Variants in ITGA1 observed in about 807,000 individuals in gnomAD.
ITGA1 encodes integrin alpha-1.
In ITGA1, 85 loss-of-function variants were observed where a neutral mutation model predicts 145.9. The ratio of observed to expected loss-of-function variants is 0.58; its 90% CI spans 0.49 to 0.70. The LOEUF is 0.70. ITGA1 is among the 30% of genes least tolerant of loss of function. The probability of loss-of-function intolerance (pLI) is 0.00; values close to 1 mark genes in which losing one functional copy is unlikely to be tolerated. For synonymous variants in ITGA1, 520 were observed against 495.3 expected (o/e 1.05, Z -0.66); for missense variants, 1,351 against 1,418.7 (o/e 0.95, Z 0.77).
At chr5:52,934,662 A>G (rs1312081961) in intron 23 of ITGA1, among the ~76,000 whole-genome samples, 2 of 151,946 alleles carry the variant, frequency 1.3e-5, no homozygotes, top group Non-Finnish European at 2.9e-5. Flanking sequence ...TTACTGACAC[A>G]GACTCAAGTT....
In ITGA1 at chr5:52,910,292, C is replaced by T. The variant is rs1230808119; in HGVS notation, c.1730C>T (p.Ala577Val). ...CGARFGTAIA[A>V]VKDLNLDGFN... ...GCTCGTTTTGGAACTGCAATTGCTG[C>T]TGTAAAAGACCTCAATCTTGATGGA... The change falls in exon 14 of 29, where the codon GCT becomes GTT. Residue 577 changes from alanine to valine, a missense_variant. Transcript: ENST00000282588. 6.2e-7 allele frequency: 1 copy of T among 1,613,856 alleles called. No individual in the cohort carries two copies. Among genetic ancestry groups the T allele is most frequent in the East Asian group, 2.2e-5 (1 of 44,886 alleles).
chr5:52,887,965 TGTAA>T lies in ITGA1; in HGVS notation c.924+3_924+6del. 6.2e-7 allele frequency: 1 copy of T among 1,611,516 alleles called. No homozygotes were observed. The highest frequency in any genetic ancestry group is 8.5e-7 in the Non-Finnish European group (1 of 1,178,104). ...AAAACATTCAACGGTTTTCCATAGC[TGTAA>T]GTGTGTTGCCGGAGATATTTTCAAA... On this transcript the variant is annotated splice_donor_variant and splice_donor_region_variant and intron_variant, in intron 8 of 28. Coordinates refer to ENST00000282588, the MANE Select transcript of ITGA1 (RefSeq NM_181501.2). LOFTEE classifies it high-confidence loss of function.
chr5:52,872,107 G>A (rs1440905326), intron 6 of ITGA1, among the ~76,000 whole-genome samples: 1 of 152,170 alleles, frequency 6.6e-6, no homozygotes, highest in African/African-American at 2.4e-5. Flanking sequence ...CATCAAAAGT[G>A]TAGCATAGCA....
chr5:52,916,465 A>G (rs988048364), intron 15 of ITGA1, among the ~76,000 whole-genome samples: 5 of 152,172 alleles, frequency 3.3e-5, no homozygotes, highest in Non-Finnish European at 1.5e-5. Flanking sequence ...AAATCTACCT[A>G]GAAGAGTAAT....
chr5:52,923,769 A>G (rs1378643671), intron 18 of ITGA1, among the ~76,000 whole-genome samples: 1 of 152,218 alleles, frequency 6.6e-6, no homozygotes, highest in East Asian at 1.9e-4. Flanking sequence ...TTATTCTAAT[A>G]AGCACTGGAT....
In ITGA1 at chr5:52,865,722, C is replaced by T; in HGVS notation, c.529C>T (p.Leu177=). The change falls in exon 6 of 29, where the codon CTG becomes TTG. Residue 177 remains leucine (L), a synonymous_variant. Transcript: ENST00000282588. ...CSTQLDIVIV[L]DGSNSIYPWD... Reference sequence around the variant, plus strand: ...CACTCAACTGGACATAGTCATAGTGCTGGATGGTTCCAACAGTATTTACCC... The same window carrying T: ...CACTCAACTGGACATAGTCATAGTGTTGGATGGTTCCAACAGTATTTACCC... 1 of 1,591,040 alleles carries T rather than the reference C, an allele frequency of 6.3e-7. No individual in the cohort carries two copies. Among genetic ancestry groups the T allele is most frequent in the Non-Finnish European group, 8.5e-7 (1 of 1,172,180 alleles).
intron 1 of ITGA1, among the ~76,000 whole-genome samples, chr5:52,794,500 T>TACACACACAC (rs56996823): frequency 0.01 from 1,425 of 141,894 alleles, 20 homozygotes; most frequent in African/African-American, 0.034. Context: ...CAAATAGAAA[T>TACACACACAC]ACACACACAC....
intron 2 of ITGA1, among the ~76,000 whole-genome samples, chr5:52,851,074 G>A (rs1355133122): frequency 2.0e-5 from 3 of 152,200 alleles, no homozygotes; most frequent in Non-Finnish European, 2.9e-5. Flanking sequence ...AAATTTTAAA[G>A]AGGAGTATAG....
At position 52,876,066 on chromosome 5, in the gene ITGA1, G is replaced by T. The variant is rs79019233; in HGVS notation, c.625-5807G>T. 9.2e-5 allele frequency among the ~76,000 whole-genome samples: 14 copies of T among 152,162 alleles called. No homozygotes were observed. The East Asian group carries it at 2.5e-3, about 27-fold the overall frequency. On this transcript the variant is annotated intron_variant, in intron 6 of 28. Coordinates refer to ENST00000282588, the MANE Select transcript of ITGA1 (RefSeq NM_181501.2). ...AAGCTGAATCCTCCTTCCTCCTTGA[G>T]GATTTTCACGTGGGAGAGAATAAAT...
chr5:52,818,817 T>C (rs530188431), intron 1 of ITGA1, among the ~76,000 whole-genome samples: 20 of 152,184 alleles, frequency 1.3e-4, no homozygotes, highest in South Asian at 2.1e-4. Flanking sequence ...TAAATTTTAA[T>C]TCTATTCCAT....
At chr5:52,793,111 C>G (rs1748273442) in intron 1 of ITGA1, among the ~76,000 whole-genome samples, 1 of 152,056 alleles carries the variant, frequency 6.6e-6, no homozygotes, top group African/African-American at 2.4e-5. Context: ...TTGGACCCTA[C>G]CTTAGGACAT....
intron 7 of ITGA1, among the ~76,000 whole-genome samples, chr5:52,883,703 G>A (rs2111807606): frequency 6.6e-6 from 1 of 152,072 alleles, no homozygotes; most frequent in Admixed American, 6.5e-5. Context: ...TTAATCATGA[G>A]GCCTGGATTC....
rs114134408 is a variant in ITGA1 at position 52,946,639 on chromosome 5, C to T, written c.3379-706C>T. On this transcript the variant is annotated intron_variant, in intron 27 of 28. Coordinates refer to ENST00000282588, the MANE Select transcript of ITGA1 (RefSeq NM_181501.2). The stretch of plus-strand genomic sequence containing the variant: ...CTAAATTAATTTTTTTCAAATCCCC[C>T]AGGGATGAGACACAGAGCAGATAGG... Among the ~76,000 whole-genome samples the T allele has an allele frequency of 1.7e-3, 265 of 152,184 alleles. 1 individual carries two copies. Among genetic ancestry groups the T allele is most frequent in the African/African-American group, 5.8e-3 (240 of 41,526 alleles).
Position 52,918,811 on chromosome 5 carries a change from A to G in ITGA1, c.2068A>G (p.Met690Val). Residue 690 changes from methionine to valine, a missense_variant, in exon 16 of 29, where the codon ATG becomes GTG. Physicochemically the swap from Met to Val is conservative, Grantham distance 21. Transcript: ENST00000282588. Reference protein sequence around the residue: ...KVNIQKKNCHMEGKETVCINA... With the variant: ...KVNIQKKNCHVEGKETVCINA... ...GAATATTCAAAAGAAAAACTGCCAT[A>G]TGGAGGGAAAGGAAACAGTATGCAT... The G allele has an allele frequency of 1.2e-6, 2 of 1,612,886 alleles. No homozygotes were observed. Among genetic ancestry groups the G allele is most frequent in the African/African-American group, 1.3e-5 (1 of 75,010 alleles).
At chr5:52,881,753 G>A (rs1749963507) in intron 6 of ITGA1, 120 bp from the exon 7 acceptor site, 6 of 777,038 alleles carry the variant, frequency 7.7e-6, no homozygotes, top group East Asian at 5.1e-5. Context: ...AAGCATTTGT[G>A]TACTGATAGG....
rs1751114231 is a variant in ITGA1 at position 52,945,046 on chromosome 5, C to G, written c.3378+11C>G. The G allele has an allele frequency of 1.3e-6, 2 of 1,591,116 alleles. No homozygotes were observed. Among genetic ancestry groups the G allele is most frequent in the Non-Finnish European group, 1.7e-6 (2 of 1,160,600 alleles). The stretch of plus-strand genomic sequence containing the variant: ...AATCAAAAAAGAGAGGTAAGTGCAA[C>G]ATGAGTTTTGAAAACATTATGCATT... On this transcript the variant is annotated intron_variant, in intron 27 of 28. Coordinates refer to ENST00000282588, the MANE Select transcript of ITGA1 (RefSeq NM_181501.2).
At chr5:52,950,624 T>A (rs1326055762) in intron 28 of ITGA1, among the ~76,000 whole-genome samples, 1 of 152,212 alleles carries the variant, frequency 6.6e-6, no homozygotes, top group Non-Finnish European at 1.5e-5. Flanking sequence ...CTTGAAGCTA[T>A]AAACTATTTT....
intron 1 of ITGA1, among the ~76,000 whole-genome samples, chr5:52,835,843 T>C (rs577612345): frequency 6.6e-5 from 10 of 152,338 alleles, no homozygotes; most frequent in Admixed American, 3.3e-4. Flanking sequence ...TGAGAAATGA[T>C]TGATGTTAGA....
intron 9 of ITGA1, among the ~76,000 whole-genome samples, chr5:52,896,577 C>A (rs976073811): frequency 2.0e-5 from 3 of 152,080 alleles, no homozygotes; most frequent in African/African-American, 7.2e-5. Context: ...TATTCTCTTG[C>A]CTCAACGAAA....
Sources: allele counts gnomAD v4.1 joint callset (sites outside exome capture counted in the v4.1 genomes callset), GRCh38; gene constraint gnomAD v4.1.1; transcripts MANE v1.5; gene names NCBI Gene and HGNC (gene_info 2026-07-23, HGNC 2026-07-21).